The following SEMA3A variants were observed in gnomAD, a reference collection of about 807,000 sequenced individuals.
The protein encoded by SEMA3A is semaphorin-3A.
A neutral mutation model predicts 97.9 loss-of-function variants in SEMA3A; 29 were observed. That is an observed-to-expected ratio of 0.30 (90% CI 0.22 to 0.40). The LOEUF is 0.40. Among genes scored for constraint, SEMA3A ranks in the 10% least tolerant of loss-of-function variants. The probability of loss-of-function intolerance (pLI) is 1.00; values close to 1 mark genes in which losing one functional copy is unlikely to be tolerated. For missense variants in SEMA3A, 763 were observed against 951.3 expected (o/e 0.80, Z 2.60); for synonymous variants, 321 against 323.7 (o/e 0.99, Z 0.09).
chr7:84,394,153 A>G (rs542820217), intron 1 of SEMA3A, among the ~76,000 whole-genome samples: 121 of 138,912 alleles, frequency 8.7e-4, no homozygotes, highest in African/African-American at 3.0e-3. Context: ...TAGCAGATAA[A>G]GAATTAGAAA....
Position 84,394,402 on chromosome 7 carries a change from A to G in SEMA3A, c.-245-22502T>C, listed in dbSNP as rs186780708. ...GTCATGTTGGGAGAGATTTTTATGT[A>G]GAATCAATGAGTCATAGCATTCTGT... On this transcript the variant is annotated intron_variant, in intron 1 of 3. Transcript: ENST00000424555. Among the ~76,000 whole-genome samples the G allele has an allele frequency of 7.6e-4, 115 of 152,248 alleles. 1 individual carries two copies. Among genetic ancestry groups the G allele is most frequent in the African/African-American group, 2.7e-3 (113 of 41,584 alleles).
rs567219885 is a variant in SEMA3A, at chr7:83,963,127, C to T, written c.1860+78G>A. Reference sequence around the variant, plus strand: ...TAAGCATTCTCAGTGCTTTTTCTTTCCTCAAGTGAAAAATACAAGGATTAC... The same window carrying T: ...TAAGCATTCTCAGTGCTTTTTCTTTTCTCAAGTGAAAAATACAAGGATTAC... On this transcript the variant is annotated intron_variant, in intron 16 of 16. Transcript: ENST00000265362. 7.0e-5 allele frequency: 106 copies of T among 1,505,976 alleles called. No homozygotes were observed. In the African/African-American group the frequency reaches 1.4e-3, roughly 20 times the overall value. 93.3% of individuals were successfully genotyped at this position (1,505,976 alleles called of 1,614,324 possible).
At chr7:84,202,577 T>C (rs1798382281) in intron 3 of SEMA3A, among the ~76,000 whole-genome samples, 1 of 152,188 alleles carries the variant, frequency 6.6e-6, no homozygotes, top group African/African-American at 2.4e-5. Context: ...CTTGCCACAG[T>C]GTGCAATCCA....
chr7:84,031,978 T>C (rs1004444048), intron 6 of SEMA3A, among the ~76,000 whole-genome samples: 7 of 152,046 alleles, frequency 4.6e-5, no homozygotes, highest in African/African-American at 1.7e-4. Context: ...TTATTCAAAA[T>C]AAAAAAAATT....
chr7:84,009,457 C>T (rs774169756), intron 9 of SEMA3A, among the ~76,000 whole-genome samples: 2 of 152,120 alleles, frequency 1.3e-5, no homozygotes, highest in African/African-American at 2.4e-5. Flanking sequence ...TTTGTAATGG[C>T]TTTAATAGTT....
At chr7:84,463,924 C>T (rs577141497) in intron 1 of SEMA3A, among the ~76,000 whole-genome samples, 2 of 151,892 alleles carry the variant, frequency 1.3e-5, no homozygotes, top group African/African-American at 4.8e-5. Flanking sequence ...GGACAAGGTC[C>T]GTACCTGATA....
At chr7:84,252,154 C>G (rs1799624722) in intron 3 of SEMA3A, among the ~76,000 whole-genome samples, 1 of 152,154 alleles carries the variant, frequency 6.6e-6, no homozygotes, top group African/African-American at 2.4e-5. Context: ...ATCCTCTTCC[C>G]TGAATGTCAT....
chr7:84,303,691 C>T (rs1411109288), intron 3 of SEMA3A, among the ~76,000 whole-genome samples: 2 of 152,056 alleles, frequency 1.3e-5, no homozygotes, highest in Non-Finnish European at 2.9e-5. Context: ...CCCATACAAC[C>T]ATTCTGTTTG....
intron 2 of SEMA3A, among the ~76,000 whole-genome samples, chr7:84,348,206 C>T (rs1802350221): frequency 6.6e-6 from 1 of 152,034 alleles, no homozygotes; most frequent in South Asian, 2.1e-4. Context: ...ACTCCTAATA[C>T]CTTAATATTA....
At chr7:84,275,450 T>C (rs1283397151) in intron 3 of SEMA3A, among the ~76,000 whole-genome samples, 1 of 152,130 alleles carries the variant, frequency 6.6e-6, no homozygotes, top group Non-Finnish European at 1.5e-5. Context: ...TTCTTGAAGA[T>C]GAATAGCATT....
intron 1 of SEMA3A, among the ~76,000 whole-genome samples, chr7:84,463,234 A>ATTTT (rs1156790369): frequency 1.6e-5 from 1 of 62,064 alleles, no homozygotes; most frequent in African/African-American, 7.6e-5. Context: ...TTTTGTAACT[A>ATTTT]TTCTTTTTTT....
intron 1 of SEMA3A, among the ~76,000 whole-genome samples, chr7:84,412,155 T>A (rs1804287220): frequency 1.3e-5 from 2 of 152,094 alleles, no homozygotes; most frequent in South Asian, 4.1e-4. Context: ...AGCCTATTGA[T>A]GAAAGGTTGG....
At chr7:84,258,031 T>C (rs1022828478) in intron 3 of SEMA3A, among the ~76,000 whole-genome samples, 2 of 152,192 alleles carry the variant, frequency 1.3e-5, no homozygotes, top group African/African-American at 4.8e-5. Flanking sequence ...GACCGAACAA[T>C]GTCTCATTTA....
At chr7:84,101,161 A>T (rs747012390) in intron 4 of SEMA3A, among the ~76,000 whole-genome samples, 18 of 152,132 alleles carry the variant, frequency 1.2e-4, no homozygotes, top group Non-Finnish European at 2.2e-4. Context: ...TTAGATTATG[A>T]TATATCTTCT....
chr7:83,993,451 T>C (rs1584518381), intron 12 of SEMA3A, among the ~76,000 whole-genome samples: 1 of 151,640 alleles, frequency 6.6e-6, no homozygotes, highest in Admixed American at 6.6e-5. Flanking sequence ...CAGTGGCTGG[T>C]ACCGGTTTTT....
chr7:84,404,288 G>T (rs1472624448), intron 1 of SEMA3A, among the ~76,000 whole-genome samples: 1 of 152,110 alleles, frequency 6.6e-6, no homozygotes, highest in Non-Finnish European at 1.5e-5. Context: ...GGAAGAAAGG[G>T]TATCAGCGAT....
chr7:84,386,212 G>A (rs185083441), intron 1 of SEMA3A, among the ~76,000 whole-genome samples: 2 of 152,244 alleles, frequency 1.3e-5, no homozygotes, highest in East Asian at 3.9e-4. Flanking sequence ...GGGTTAGTTA[G>A]AAACAAAAAA....
At chr7:83,981,925 C>T (rs2116320587) in intron 13 of SEMA3A, among the ~76,000 whole-genome samples, 1 of 152,136 alleles carries the variant, frequency 6.6e-6, no homozygotes, top group East Asian at 1.9e-4. Context: ...TGGAGTGTGC[C>T]CTTTCCTATG....
chr7:84,429,321 C>T (rs899258952), intron 1 of SEMA3A, among the ~76,000 whole-genome samples: 2 of 151,126 alleles, frequency 1.3e-5, no homozygotes, highest in Non-Finnish European at 2.9e-5. Context: ...TACGACATCT[C>T]CAATTTTCCT....
Sources: allele counts gnomAD v4.1 joint callset (sites outside exome capture counted in the v4.1 genomes callset), GRCh38; gene constraint gnomAD v4.1.1; transcripts MANE v1.5; gene names NCBI Gene and HGNC (gene_info 2026-07-23, HGNC 2026-07-21).